Variants in EPB41L3 observed in about 807,000 individuals in gnomAD.
EPB41L3 encodes band 4.1-like protein 3.
A neutral mutation model predicts 127.1 loss-of-function variants in EPB41L3; 57 were observed. That is an observed-to-expected ratio of 0.45 (90% CI 0.36 to 0.56). The LOEUF is 0.56. Among genes scored for constraint, EPB41L3 ranks in the 20% least tolerant of loss-of-function variants. The probability of loss-of-function intolerance (pLI) is 0.00; values close to 1 mark genes in which losing one functional copy is unlikely to be tolerated. For synonymous variants in EPB41L3, 572 were observed against 549.5 expected (o/e 1.04, Z -0.57); for missense variants, 1,273 against 1,372.2 (o/e 0.93, Z 1.14).
chr18:5,527,982 C>G lies in EPB41L3; in HGVS notation c.-12+15931G>C, dbSNP rs145985648. Among the ~76,000 whole-genome samples, 650 of 151,078 alleles carry G rather than the reference C, an allele frequency of 4.3e-3. 2 individuals carry two copies. The highest frequency in any genetic ancestry group is 0.015 in the African/African-American group (616 of 40,860). On this transcript the variant is annotated intron_variant, in intron 1 of 22. Coordinates refer to ENST00000341928, the MANE Select transcript of EPB41L3 (RefSeq NM_012307.5). ...GCTACAGAAGGATGTGCACAGTATA[C>G]TATTTTAAAAAATATAAACATTAAA...
chr18:5,393,624 T>A, intron 22 of EPB41L3, 146 bp from the exon 23 acceptor site: 1 of 546,704 alleles, frequency 1.8e-6, no homozygotes, highest in Non-Finnish European at 3.2e-6. Flanking sequence ...CACTGCCAAT[T>A]ACATGCTTTC....
intron 3 of EPB41L3, among the ~76,000 whole-genome samples, chr18:5,448,520 G>C (rs893564085): frequency 2.0e-5 from 3 of 152,002 alleles, no homozygotes; most frequent in Non-Finnish European, 4.4e-5. Flanking sequence ...TGTTTATTAT[G>C]GTTCCAAAAG....
intron 3 of EPB41L3, among the ~76,000 whole-genome samples, chr18:5,455,954 T>C (rs1383963944): frequency 6.6e-6 from 1 of 152,036 alleles, no homozygotes; most frequent in Non-Finnish European, 1.5e-5. Flanking sequence ...CGTAAAATAA[T>C]CATATTAGCT....
chr18:5,419,896 C>T lies in EPB41L3; in HGVS notation c.1340-19G>A, dbSNP rs752654936. ...CCAACCTCTGCAGCAGACATAGAATCCTTCATGTATATTTCATGGTTTTCA... is the reference window on the plus strand; with the variant it reads ...CCAACCTCTGCAGCAGACATAGAATTCTTCATGTATATTTCATGGTTTTCA... On this transcript the variant is annotated intron_variant, in intron 11 of 22. Transcript: ENST00000341928. 94 of 1,613,966 alleles carry T rather than the reference C, an allele frequency of 5.8e-5. No individual in the cohort carries two copies. Among genetic ancestry groups the T allele is most frequent in the Non-Finnish European group, 7.6e-5 (90 of 1,180,006 alleles).
rs567529608 is a variant in EPB41L3 at position 5,398,900 on chromosome 18, A to C, written c.2350-757T>G. 2.0e-5 allele frequency: 8 copies of C among 399,130 alleles called. No homozygotes were observed. The South Asian group carries it at 1.0e-3, about 51-fold the overall frequency. The allele number at this position is 399,130 out of a possible 1,614,324, so 24.7% of individuals were successfully genotyped here. On this transcript the variant is annotated intron_variant, in intron 16 of 22. Coordinates refer to ENST00000341928, the MANE Select transcript of EPB41L3 (RefSeq NM_012307.5). The stretch of plus-strand genomic sequence containing the variant: ...CATCTTCTTCAGGACTCTGCCGGCG[A>C]GACTCGGCCTCCTTGATGGGGGCCA...
At chr18:5,436,403 CTTT>C (rs34862547) in intron 6 of EPB41L3, among the ~76,000 whole-genome samples, 16 of 100,644 alleles carry the variant, frequency 1.6e-4, no homozygotes, top group African/African-American at 5.4e-4. Context: ...CATTTTCTTT[CTTT>C]TTTTTTTTTT....
intron 3 of EPB41L3, among the ~76,000 whole-genome samples, chr18:5,600,565 C>T (rs2094579685): frequency 6.6e-6 from 1 of 152,076 alleles, no homozygotes; most frequent in Non-Finnish European, 1.5e-5. Context: ...TAACCTAAAA[C>T]TTACACTAGG....
intron 3 of EPB41L3, among the ~76,000 whole-genome samples, chr18:5,585,379 C>A (rs1019067048): frequency 1.3e-5 from 2 of 152,132 alleles, no homozygotes; most frequent in South Asian, 2.1e-4. Flanking sequence ...TCTGGGCTCA[C>A]TAGTAACTCT....
chr18:5,474,565 G>C (rs768999886), intron 3 of EPB41L3, among the ~76,000 whole-genome samples: 17 of 152,142 alleles, frequency 1.1e-4, no homozygotes, highest in South Asian at 2.1e-4. Flanking sequence ...ATGATTTTAA[G>C]TTGACGTGAT....
chr18:5,476,561 T>C (rs759595962), intron 3 of EPB41L3, among the ~76,000 whole-genome samples: 2 of 152,216 alleles, frequency 1.3e-5, no homozygotes, highest in Non-Finnish European at 2.9e-5. Context: ...TTCTAGACTC[T>C]TGGAAGACTC....
At chr18:5,619,491 T>G (rs1353113299) in intron 1 of EPB41L3, among the ~76,000 whole-genome samples, 1 of 152,188 alleles carries the variant, frequency 6.6e-6, no homozygotes, top group African/African-American at 2.4e-5. Context: ...TAACTGCACC[T>G]TCCACAAAAA....
At chr18:5,595,987 T>C (rs1197305059) in intron 3 of EPB41L3, among the ~76,000 whole-genome samples, 2 of 152,178 alleles carry the variant, frequency 1.3e-5, no homozygotes, top group Non-Finnish European at 2.9e-5. Flanking sequence ...GTAACTGTAA[T>C]CCAAAAAGCA....
At chr18:5,609,168 A>G (rs2094697143) in intron 3 of EPB41L3, among the ~76,000 whole-genome samples, 1 of 152,198 alleles carries the variant, frequency 6.6e-6, no homozygotes, top group Non-Finnish European at 1.5e-5. Context: ...GAGGCTCAGG[A>G]TGAAACTGTA....
chr18:5,409,502 T>A (rs767035585), intron 14 of EPB41L3, among the ~76,000 whole-genome samples: 5 of 152,134 alleles, frequency 3.3e-5, no homozygotes, highest in Non-Finnish European at 7.4e-5. Flanking sequence ...CATAATAGTT[T>A]TAACAATATC....
intron 22 of EPB41L3, 27 bp downstream of exon 22, chr18:5,394,650 G>C (rs776396188): frequency 6.3e-7 from 1 of 1,581,688 alleles, no homozygotes; most frequent in Non-Finnish European, 8.7e-7. Flanking sequence ...GCCTAGGCAA[G>C]CCTAGAGAAT....
chr18:5,505,550 C>T (rs1220506056), intron 1 of EPB41L3, among the ~76,000 whole-genome samples: 1 of 150,086 alleles, frequency 6.7e-6, no homozygotes, highest in African/African-American at 2.5e-5. Context: ...ACCCTCCACA[C>T]CTTCAGCTCT....
chr18:5,535,526 T>G (rs376600010), intron 1 of EPB41L3, among the ~76,000 whole-genome samples: 2 of 152,196 alleles, frequency 1.3e-5, no homozygotes, highest in African/African-American at 4.8e-5. Flanking sequence ...AATAATTCTC[T>G]GTAATGAAAC....
chr18:5,627,384 CCA>C (rs1415518042), intron 1 of EPB41L3, among the ~76,000 whole-genome samples: 5 of 152,062 alleles, frequency 3.3e-5, no homozygotes, highest in Non-Finnish European at 5.9e-5. Flanking sequence ...TAGTGAGATC[CCA>C]GTTTCTCTAG....
intron 1 of EPB41L3, among the ~76,000 whole-genome samples, chr18:5,490,674 T>A (rs2090482536): frequency 6.6e-6 from 1 of 152,238 alleles, no homozygotes; most frequent in African/African-American, 2.4e-5. Context: ...TATAATACAT[T>A]TTAGATTTTC....
Sources: allele counts gnomAD v4.1 joint callset (sites outside exome capture counted in the v4.1 genomes callset), GRCh38; gene constraint gnomAD v4.1.1; transcripts MANE v1.5; gene names NCBI Gene and HGNC (gene_info 2026-07-23, HGNC 2026-07-21).